SLC22A23: variants seen among roughly 807,000 people sequenced by gnomAD.
SLC22A23 encodes ion transporter protein.
A neutral mutation model predicts 61.0 loss-of-function variants in SLC22A23; 26 were observed. The ratio of observed to expected loss-of-function variants is 0.43; its 90% CI spans 0.31 to 0.59. SLC22A23 has a LOEUF of 0.59. Ranked by LOEUF, SLC22A23 falls within the 20% of genes least tolerant of loss-of-function variation. The pLI is 0.11. For missense variants in SLC22A23, 796 were observed against 934.7 expected (o/e 0.85, Z 1.94); for synonymous variants, 430 against 413.9 (o/e 1.04, Z -0.47).
chr6:3,321,244 G>A lies in SLC22A23; in HGVS notation c.1082+2590C>T, dbSNP rs112649670. ...ACTTTTTACAGACATGAGACAACGC[G>A]GGCTCAGAGAGGTGTGAGGCAGGCT... On this transcript the variant is annotated intron_variant, in intron 4 of 9. Transcript: ENST00000406686. 4.2e-3 allele frequency among the ~76,000 whole-genome samples: 642 copies of A among 152,288 alleles called. 5 individuals are homozygous for A. Among genetic ancestry groups the A allele is most frequent in the African/African-American group, 0.015 (611 of 41,540 alleles).
chr6:3,432,147 A>G lies in SLC22A23; in HGVS notation c.655-16292T>C, dbSNP rs1309395545. The G allele has an allele frequency of 3.2e-6, 3 of 943,154 alleles. No individual in the cohort carries two copies. In the African/African-American group the frequency reaches 5.3e-5, roughly 17 times the overall value. 58.4% of individuals were successfully genotyped at this position (943,154 alleles called of 1,614,324 possible). A position where few individuals can be genotyped will look rare whatever the true frequency, so the allele number is the denominator to read the frequency against. ...TAATCCCCAAGGTTCCTCAGTGTAG[A>G]GGCGGTAGTGCTAGGGTTCAAACCG... On this transcript the variant is annotated intron_variant, in intron 1 of 9. Coordinates refer to ENST00000406686, the MANE Select transcript of SLC22A23 (RefSeq NM_015482.2).
chr6:3,274,835 G>A (rs1581577157), intron 9 of SLC22A23, among the ~76,000 whole-genome samples: 1 of 151,848 alleles, frequency 6.6e-6, no homozygotes, highest in East Asian at 1.9e-4. Context: ...AAAATTAAAA[G>A]ATAAAAATAA....
chr6:3,332,146 C>T (rs1323389246), intron 3 of SLC22A23, among the ~76,000 whole-genome samples: 2 of 152,242 alleles, frequency 1.3e-5, no homozygotes, highest in Non-Finnish European at 2.9e-5. Flanking sequence ...TTACTTCAAG[C>T]TCTGTCCCAT....
chr6:3,386,999 C>T lies in SLC22A23; in HGVS notation c.913+23189G>A, dbSNP rs1414569797. On this transcript the variant is annotated intron_variant, in intron 3 of 9. Coordinates refer to ENST00000406686, the MANE Select transcript of SLC22A23 (RefSeq NM_015482.2). This position sits in a 1 kb window ranked among gnomAD's most constrained non-coding sequence, Gnocchi z 4.4. ...TCTTCCAACCTCACCCAGATTTTCA[C>T]CTTTGTTTCTCAGAAAAACCCTACT... 6.6e-6 allele frequency among the ~76,000 whole-genome samples: 1 copy of T among 152,238 alleles called. No homozygotes were observed. Among genetic ancestry groups the T allele is most frequent in the Admixed American group, 6.5e-5 (1 of 15,286 alleles).
chr6:3,389,495 G>A (rs190956026), intron 3 of SLC22A23, among the ~76,000 whole-genome samples: 12 of 152,318 alleles, frequency 7.9e-5, no homozygotes, highest in Non-Finnish European at 1.3e-4. Context: ...GGTGAGCGCT[G>A]AGGAGGCAGT....
intron 1 of SLC22A23, among the ~76,000 whole-genome samples, chr6:3,440,818 G>A (rs765680121): frequency 5.3e-5 from 8 of 152,150 alleles, no homozygotes; most frequent in Non-Finnish European, 1.2e-4. Flanking sequence ...GGCCTCAGGA[G>A]AAACCAATCC....
rs138637292 is a variant in SLC22A23, at chr6:3,296,426, C to T, written c.1210+1665G>A. Reference sequence around the variant, plus strand: ...CCTCTCTGTGCTCCCGTTTCCTCATCGGCAAACGGGGCTAATTATAGTGCC... The same window carrying T: ...CCTCTCTGTGCTCCCGTTTCCTCATTGGCAAACGGGGCTAATTATAGTGCC... On this transcript the variant is annotated intron_variant, in intron 5 of 9. Transcript: ENST00000406686. Among the ~76,000 whole-genome samples the T allele has an allele frequency of 5.3e-3, 808 of 152,332 alleles. 3 individuals carry two copies. Among genetic ancestry groups the T allele is most frequent in the Non-Finnish European group, 8.6e-3 (587 of 68,028 alleles).
At chr6:3,442,683 G>A (rs1771672897) in intron 1 of SLC22A23, among the ~76,000 whole-genome samples, 1 of 152,166 alleles carries the variant, frequency 6.6e-6, no homozygotes, top group African/African-American at 2.4e-5. Flanking sequence ...TGACCACTGG[G>A]ATGCTTGTGG....
At chr6:3,294,854 TAAG>T (rs1035659573) in intron 5 of SLC22A23, among the ~76,000 whole-genome samples, 9 of 152,022 alleles carry the variant, frequency 5.9e-5, no homozygotes, top group African/African-American at 2.2e-4. Flanking sequence ...GAAAAGGAAA[TAAG>T]AAATTTGAGA....
In SLC22A23 at chr6:3,273,430, C is replaced by T; in HGVS notation, c.1704-18G>A. On this transcript the variant is annotated intron_variant, in intron 9 of 9. Coordinates refer to ENST00000406686, the MANE Select transcript of SLC22A23 (RefSeq NM_015482.2). ...CGCCACACCTGCAGGGGGAGGGAAG[C>T]ACAGGGATTGCTGCTGTGGGCTAGC... The T allele has an allele frequency of 6.2e-7, 1 of 1,610,428 alleles. No homozygotes were observed. The highest frequency in any genetic ancestry group is 8.5e-7 in the Non-Finnish European group (1 of 1,179,482).
chr6:3,280,695 C>T (rs1224702440), intron 9 of SLC22A23, among the ~76,000 whole-genome samples: 2 of 151,974 alleles, frequency 1.3e-5, no homozygotes, highest in Admixed American at 6.6e-5. Context: ...GACGGGGTTT[C>T]ATCGTGTTAG....
Position 3,335,861 on chromosome 6 carries a change from G to A in SLC22A23, c.914-11859C>T, listed in dbSNP as rs370762324. Among the ~76,000 whole-genome samples, 71 of 152,262 alleles carry A rather than the reference G, an allele frequency of 4.7e-4. No homozygotes were observed. The South Asian group carries it at 0.012, about 25-fold the overall frequency. On this transcript the variant is annotated intron_variant, in intron 3 of 9. Coordinates refer to ENST00000406686, the MANE Select transcript of SLC22A23 (RefSeq NM_015482.2). ...TTCTAGCACTTTGGGAGGCCGAGGC[G>A]GGCGGATCAAGAGGTTAGGAGATCG...
At chr6:3,307,254 A>AC (rs951091071) in intron 4 of SLC22A23, among the ~76,000 whole-genome samples, 3 of 151,590 alleles carry the variant, frequency 2.0e-5, no homozygotes, top group Admixed American at 6.6e-5. Flanking sequence ...CGACGCTCTG[A>AC]CCCCCCACAT....
chr6:3,306,816 A>G lies in SLC22A23; in HGVS notation c.1083-8598T>C, dbSNP rs956050457. ...GGAGAGTATTTTTCTCTTTGCTTCT[A>G]AAGAGCCGTTCAGGACAAGGACGCT... On this transcript the variant is annotated intron_variant, in intron 4 of 9. Transcript: ENST00000406686. 2.8e-4 allele frequency among the ~76,000 whole-genome samples: 43 copies of G among 152,204 alleles called. 1 individual carries two copies. The highest frequency in any genetic ancestry group is 4.4e-5 in the Non-Finnish European group (3 of 68,044).
At chr6:3,416,120 T>G (rs1769684556) in intron 1 of SLC22A23, among the ~76,000 whole-genome samples, 1 of 152,240 alleles carries the variant, frequency 6.6e-6, no homozygotes, top group Admixed American at 6.5e-5. Flanking sequence ...ATGTGTATTC[T>G]TCTGTCCCAA....
chr6:3,382,344 A>G (rs1449794392), intron 3 of SLC22A23, among the ~76,000 whole-genome samples: 1 of 152,238 alleles, frequency 6.6e-6, no homozygotes, highest in Non-Finnish European at 1.5e-5. Context: ...GTGGCTTTGT[A>G]ACGTAGTTTA....
At chr6:3,354,978 A>G (rs1301862030) in intron 3 of SLC22A23, among the ~76,000 whole-genome samples, 1 of 151,848 alleles carries the variant, frequency 6.6e-6, no homozygotes, top group Non-Finnish European at 1.5e-5. Context: ...AGCACAAGGC[A>G]TTTGGACAAT....
Position 3,273,241 on chromosome 6 carries a change from G to A in SLC22A23, c.1875C>T (p.Asn625=). Reference sequence around the variant, plus strand: ...CCCCGTTAGAAATGTTCTCAGGCAGGTTCTGGTCCCTGCTCTCGGGCAGCA... The same window carrying A: ...CCCCGTTAGAAATGTTCTCAGGCAGATTCTGGTCCCTGCTCTCGGGCAGCA... The part of the protein sequence containing the change: ...ILLLPESRDQ[N]LPENISNGEH... The change falls in exon 10 of 10, where the codon AAC becomes AAT. Residue 625 remains asparagine, a synonymous_variant. Coordinates refer to ENST00000406686, the MANE Select transcript of SLC22A23 (RefSeq NM_015482.2). 2 of 1,613,232 alleles carry A rather than the reference G, an allele frequency of 1.2e-6. No individual in the cohort carries two copies. The highest frequency in any genetic ancestry group is 3.3e-5 in the Admixed American group (2 of 59,994).
chr6:3,341,101 C>T (rs1764128081), intron 3 of SLC22A23, among the ~76,000 whole-genome samples: 1 of 152,176 alleles, frequency 6.6e-6, no homozygotes, highest in South Asian at 2.1e-4. Flanking sequence ...TCGGAACATA[C>T]AGCATTTAAT....
Sources: gnomAD v4.1 joint callset for allele counts (sites outside exome capture counted in the v4.1 genomes callset) on GRCh38, gnomAD v4.1.1 for gene constraint, Gnocchi (gnomAD v3.1) non-coding constraint, MANE v1.5 for transcripts, NCBI Gene and HGNC (gene_info 2026-07-23, HGNC 2026-07-21) for gene names.